ADGRB3: variants seen among roughly 807,000 people sequenced by gnomAD.
ADGRB3 encodes the protein brain-specific angiogenesis inhibitor 3.
ADGRB3 carries 37 observed loss-of-function variants against 193.4 expected under a neutral mutation model. That is an observed-to-expected ratio of 0.19 (90% confidence interval 0.15 to 0.25). The LOEUF is 0.25. Ranked by LOEUF, ADGRB3 falls within the 10% of genes least tolerant of loss-of-function variation. The pLI, the probability that ADGRB3 is intolerant of heterozygous loss-of-function variation, is 1.00. For missense variants in ADGRB3, 1,637 were observed against 1,852.9 expected (o/e 0.88, Z 2.14); for synonymous variants, 690 against 644.2 (o/e 1.07, Z -1.08).
At chr6:68,953,761 A>T (rs1326094465) in intron 6 of ADGRB3, among the ~76,000 whole-genome samples, 1 of 152,204 alleles carries the variant, frequency 6.6e-6, no homozygotes, top group Non-Finnish European at 1.5e-5. Context: ...TGCCTGTTAA[A>T]CAATCTCTTT....
At chr6:69,091,704 T>TG (rs1457123388) in intron 17 of ADGRB3, among the ~76,000 whole-genome samples, 1 of 152,156 alleles carries the variant, frequency 6.6e-6, no homozygotes, top group Non-Finnish European at 1.5e-5. Context: ...GCTTAATATC[T>TG]GGGTGATGTA....
chr6:69,186,636 G>C (rs2150353311), intron 17 of ADGRB3, among the ~76,000 whole-genome samples: 1 of 152,084 alleles, frequency 6.6e-6, no homozygotes, highest in Admixed American at 6.6e-5. Context: ...GAATAAACCT[G>C]TGTTAAACAG....
At chr6:68,767,331 G>T (rs1476200084) in intron 3 of ADGRB3, among the ~76,000 whole-genome samples, 1 of 152,068 alleles carries the variant, frequency 6.6e-6, no homozygotes, top group Admixed American at 6.6e-5. Flanking sequence ...ACATCAAAAA[G>T]CTTATCCACC....
At chr6:69,061,056 C>G (rs1334145915) in intron 15 of ADGRB3, among the ~76,000 whole-genome samples, 1 of 150,138 alleles carries the variant, frequency 6.7e-6, no homozygotes, top group Non-Finnish European at 1.5e-5. Flanking sequence ...TCAATTGACT[C>G]ATTTATCATT....
chr6:69,091,826 A>T (rs1367877914), intron 17 of ADGRB3, among the ~76,000 whole-genome samples: 1 of 152,206 alleles, frequency 6.6e-6, no homozygotes, highest in Non-Finnish European at 1.5e-5. Context: ...TTAACCTTCC[A>T]TATAGTCTAT....
intron 3 of ADGRB3, among the ~76,000 whole-genome samples, chr6:68,732,000 G>A (rs1048411423): frequency 6.6e-6 from 1 of 151,534 alleles, no homozygotes; most frequent in Non-Finnish European, 1.5e-5. Flanking sequence ...AGTAGTACCT[G>A]CATGAGTATA....
chr6:68,790,046 C>A (rs1767068581), intron 3 of ADGRB3, among the ~76,000 whole-genome samples: 1 of 152,138 alleles, frequency 6.6e-6, no homozygotes, highest in Non-Finnish European at 1.5e-5. Context: ...TTCTAGTTAT[C>A]TGGTCGTCTA....
chr6:68,836,668 T>C (rs930673828), intron 3 of ADGRB3, among the ~76,000 whole-genome samples: 1 of 152,116 alleles, frequency 6.6e-6, no homozygotes, highest in Admixed American at 6.6e-5. Context: ...CATAATTTCT[T>C]ATCTCCCTGC....
intron 3 of ADGRB3, among the ~76,000 whole-genome samples, chr6:68,790,352 C>T (rs1281204981): frequency 6.6e-6 from 1 of 152,202 alleles, no homozygotes; most frequent in Non-Finnish European, 1.5e-5. Context: ...GTAGGCTCCA[C>T]CTCTGGGGGC....
chr6:69,202,852 C>T (rs1434591059), intron 17 of ADGRB3, among the ~76,000 whole-genome samples: 1 of 152,072 alleles, frequency 6.6e-6, no homozygotes, highest in Non-Finnish European at 1.5e-5. Flanking sequence ...TCCACAGAAG[C>T]CTGAGGAGTT....
At chr6:68,729,660 A>G (rs1334327860) in intron 3 of ADGRB3, among the ~76,000 whole-genome samples, 1 of 151,602 alleles carries the variant, frequency 6.6e-6, no homozygotes, top group Admixed American at 6.6e-5. Context: ...TTACAGATTC[A>G]GGGCCAAAAT....
intron 17 of ADGRB3, among the ~76,000 whole-genome samples, chr6:69,229,347 A>C (rs1766086162): frequency 6.6e-6 from 1 of 152,138 alleles, no homozygotes; most frequent in Non-Finnish European, 1.5e-5. Flanking sequence ...GATTTGCCTA[A>C]ATTTTAGAAA....
At chr6:69,075,644 T>G (rs146661485) in intron 16 of ADGRB3, among the ~76,000 whole-genome samples, 1 of 152,248 alleles carries the variant, frequency 6.6e-6, no homozygotes, top group East Asian at 1.9e-4. Context: ...TACTGTAATC[T>G]TAAAGAAAGT....
At chr6:68,661,323 G>A (rs7773493) in intron 3 of ADGRB3, among the ~76,000 whole-genome samples, 21 of 111,296 alleles carry the variant, frequency 1.9e-4, no homozygotes, top group Admixed American at 1.0e-3. Flanking sequence ...GTGTGTGTGT[G>A]TGTATATATA....
intron 17 of ADGRB3, among the ~76,000 whole-genome samples, chr6:69,172,239 G>T (rs777982203): frequency 1.3e-5 from 2 of 152,040 alleles, no homozygotes; most frequent in Non-Finnish European, 2.9e-5. Context: ...TTATATTATA[G>T]AAAAACCAAA....
intron 24 of ADGRB3, among the ~76,000 whole-genome samples, chr6:69,335,767 A>G (rs1303897649): frequency 6.6e-6 from 1 of 152,096 alleles, no homozygotes; most frequent in Non-Finnish European, 1.5e-5. Context: ...AAATCATTTC[A>G]GCTTATTTGA....
At chr6:68,718,212 A>C (rs1489224023) in intron 3 of ADGRB3, among the ~76,000 whole-genome samples, 1 of 151,716 alleles carries the variant, frequency 6.6e-6, no homozygotes, top group African/African-American at 2.4e-5. Flanking sequence ...AGTGGTTCAC[A>C]AATGTTCGTG....
intron 3 of ADGRB3, among the ~76,000 whole-genome samples, chr6:68,769,041 A>G (rs933036952): frequency 5.9e-5 from 9 of 152,150 alleles, no homozygotes; most frequent in Admixed American, 2.6e-4. Context: ...AGGAAACAAG[A>G]GATGCTGGAG....
chr6:69,307,537 C>T (rs1378791547), intron 20 of ADGRB3, among the ~76,000 whole-genome samples: 2 of 151,588 alleles, frequency 1.3e-5, no homozygotes, highest in East Asian at 1.9e-4. Flanking sequence ...TTCTTTTCTT[C>T]ACCTTTCTGT....
Sources: gnomAD v4.1 joint callset for allele counts (sites outside exome capture counted in the v4.1 genomes callset) on GRCh38, gnomAD v4.1.1 for gene constraint, MANE v1.5 for transcripts, NCBI Gene and HGNC (gene_info 2026-07-23, HGNC 2026-07-21) for gene names.